Variants in NRXN3 observed in about 807,000 individuals in gnomAD.
NRXN3 encodes the protein neurexin III.
Under a neutral mutation model 137.6 loss-of-function variants are expected in NRXN3, and 32 were observed. The ratio of observed to expected loss-of-function variants is 0.23; its 90% CI spans 0.18 to 0.31. The LOEUF is 0.31. Among genes scored for constraint, NRXN3 ranks in the 10% least tolerant of loss-of-function variants. The pLI is 1.00. For synonymous variants in NRXN3, 798 were observed against 784.5 expected (o/e 1.02, Z -0.29); for missense variants, 1,574 against 2,062.5 (o/e 0.76, Z 4.59).
At chr14:78,841,613 G>A (rs1050495744) in intron 10 of NRXN3, among the ~76,000 whole-genome samples, 3 of 151,768 alleles carry the variant, frequency 2.0e-5, no homozygotes, top group Non-Finnish European at 4.4e-5. Flanking sequence ...CTTATGAATT[G>A]TTTCTGTCTC....
In NRXN3 at chr14:78,191,860, C is replaced by T. The variant is rs185585765; in HGVS notation, c.-704+21186C>T. ...CTGGGATGAGCAGGGGATATTAAAT[C>T]ATCCCTTCCCCTCTTTGAGCTGTGT... On this transcript the variant is annotated intron_variant, in intron 1 of 20. Transcript: ENST00000335750. Among the ~76,000 whole-genome samples, 6 of 152,290 alleles carry T rather than the reference C, an allele frequency of 3.9e-5. 1 individual carries two copies. Among genetic ancestry groups the T allele is most frequent in the African/African-American group, 1.4e-4 (6 of 41,560 alleles).
chr14:79,534,700 T>C (rs775839814), intron 16 of NRXN3, among the ~76,000 whole-genome samples: 1 of 151,936 alleles, frequency 6.6e-6, no homozygotes, highest in Non-Finnish European at 1.5e-5. Flanking sequence ...AAAAAAATTA[T>C]GAAAAGACCC....
In NRXN3 at chr14:79,596,006, G is replaced by A. The variant is rs139309061; in HGVS notation, c.3445-67772G>A. On this transcript the variant is annotated intron_variant, in intron 16 of 20. Transcript: ENST00000335750. ...TGATGGTTCATGCCGTGGGGGAACG[G>A]GTCTCTTTCCCAATATATAAGAGGA... Among the ~76,000 whole-genome samples the A allele has an allele frequency of 1.0e-3, 151 of 150,894 alleles. 1 individual carries two copies. The highest frequency in any genetic ancestry group is 3.5e-3 in the Middle Eastern group (1 of 288).
chr14:78,846,045 AG>A (rs1479623746), intron 10 of NRXN3, among the ~76,000 whole-genome samples: 1 of 152,000 alleles, frequency 6.6e-6, no homozygotes, highest in Non-Finnish European at 1.5e-5. Context: ...GCTTTCATAC[AG>A]CCATTCCACA....
intron 4 of NRXN3, among the ~76,000 whole-genome samples, chr14:78,620,448 G>A (rs2097391574): frequency 6.6e-6 from 1 of 152,128 alleles, no homozygotes; most frequent in African/African-American, 2.4e-5. Flanking sequence ...CTGCAGAGTA[G>A]CTAGCAAATG....
At chr14:79,409,347 C>A (rs1458559788) in intron 15 of NRXN3, among the ~76,000 whole-genome samples, 1 of 150,970 alleles carries the variant, frequency 6.6e-6, no homozygotes, top group Non-Finnish European at 1.5e-5. Context: ...ATGTAGCATA[C>A]TACATATGTA....
At chr14:78,820,507 G>A (rs1190289901) in intron 10 of NRXN3, among the ~76,000 whole-genome samples, 1 of 150,774 alleles carries the variant, frequency 6.6e-6, no homozygotes, top group East Asian at 1.9e-4. Context: ...TTAACTCTGA[G>A]TTTATTTGAA....
intron 15 of NRXN3, among the ~76,000 whole-genome samples, chr14:79,240,155 A>AAT (rs901538233): frequency 2.0e-5 from 3 of 151,964 alleles, no homozygotes; most frequent in Admixed American, 6.6e-5. Flanking sequence ...GTACCATACA[A>AAT]ATATATATAT....
At chr14:79,243,858 G>A in intron 15 of NRXN3, among the ~76,000 whole-genome samples, 1 of 152,106 alleles carries the variant, frequency 6.6e-6, no homozygotes, top group Non-Finnish European at 1.5e-5. Context: ...GTAGTACATG[G>A]CTATATTATT....
At chr14:79,740,712 T>TATATATATATA (rs1491227336) in intron 19 of NRXN3, among the ~76,000 whole-genome samples, 6 of 16,128 alleles carry the variant, frequency 3.7e-4, no homozygotes, top group East Asian at 1.6e-3. Context: ...ATTTAGTTTT[T>TATATATATATA]TATATATATA....
At chr14:79,318,141 A>G (rs1480636111) in intron 15 of NRXN3, among the ~76,000 whole-genome samples, 1 of 152,264 alleles carries the variant, frequency 6.6e-6, no homozygotes, top group Non-Finnish European at 1.5e-5. Context: ...TTCCAAAAAA[A>G]TATAGTGTTT....
intron 15 of NRXN3, among the ~76,000 whole-genome samples, chr14:79,087,655 T>A (rs1043996860): frequency 1.3e-5 from 2 of 152,146 alleles, no homozygotes; most frequent in African/African-American, 2.4e-5. Flanking sequence ...GCAGAAAATA[T>A]ATAACTCTCC....
At chr14:78,429,689 C>T (rs1159533774) in intron 4 of NRXN3, among the ~76,000 whole-genome samples, 1 of 152,118 alleles carries the variant, frequency 6.6e-6, no homozygotes, top group Non-Finnish European at 1.5e-5. Context: ...CTGACCAAGC[C>T]CTGCTTTAAT....
Position 78,501,981 on chromosome 14 carries a change from A to G in NRXN3, c.758-143139A>G, listed in dbSNP as rs531652861. Among the ~76,000 whole-genome samples, 19 of 152,256 alleles carry G rather than the reference A, an allele frequency of 1.2e-4. No homozygotes were observed. The East Asian group carries it at 3.3e-3, about 26-fold the overall frequency. On this transcript the variant is annotated intron_variant, in intron 4 of 20. Coordinates refer to ENST00000335750, the MANE Select transcript of NRXN3 (RefSeq NM_001330195.2). ...TTCTACTGCAGACCCTGGATCTCCT[A>G]TAACAGAACTATAACAGAACACTGG...
Position 79,134,698 on chromosome 14 carries a change from T to C in NRXN3, c.3262+146557T>C, listed in dbSNP as rs73324780. Among the ~76,000 whole-genome samples the C allele has an allele frequency of 4.7e-3, 715 of 152,304 alleles. 8 individuals are homozygous for C. Among genetic ancestry groups the C allele is most frequent in the African/African-American group, 0.017 (687 of 41,562 alleles). ...TTTTCTTCATTTTCAAATTATCCTTTTGAGGAAAATATAAAGGAGTAATCC... is the reference window on the plus strand; with the variant it reads ...TTTTCTTCATTTTCAAATTATCCTTCTGAGGAAAATATAAAGGAGTAATCC... On this transcript the variant is annotated intron_variant, in intron 15 of 20. Coordinates refer to ENST00000335750, the MANE Select transcript of NRXN3 (RefSeq NM_001330195.2).
intron 4 of NRXN3, among the ~76,000 whole-genome samples, chr14:78,299,714 G>A (rs2076696293): frequency 1.3e-5 from 2 of 152,262 alleles, no homozygotes; most frequent in South Asian, 4.1e-4. Context: ...ACACTGGTAT[G>A]AAAAACATTT....
At chr14:79,334,202 GGAA>G (rs2092047352) in intron 15 of NRXN3, among the ~76,000 whole-genome samples, 2 of 151,952 alleles carry the variant, frequency 1.3e-5, no homozygotes. Flanking sequence ...AAACCAATCT[GGAA>G]ATAAATATAT....
At chr14:78,714,218 G>T (rs945315773) in intron 7 of NRXN3, among the ~76,000 whole-genome samples, 2 of 152,182 alleles carry the variant, frequency 1.3e-5, no homozygotes, top group African/African-American at 4.8e-5. Flanking sequence ...TCCATCTTTT[G>T]GGGGTTGGTG....
intron 15 of NRXN3, among the ~76,000 whole-genome samples, chr14:79,189,178 A>G (rs1456090757): frequency 6.6e-6 from 1 of 151,988 alleles, no homozygotes; most frequent in African/African-American, 2.4e-5. Context: ...AAAATGTGGC[A>G]CATATACACC....
Sources: gnomAD v4.1 joint callset for allele counts (sites outside exome capture counted in the v4.1 genomes callset) on GRCh38, gnomAD v4.1.1 for gene constraint, MANE v1.5 for transcripts, NCBI Gene and HGNC (gene_info 2026-07-23, HGNC 2026-07-21) for gene names.